The following NFKB1 variants were observed in gnomAD, a reference collection of about 807,000 sequenced individuals.
NFKB1 encodes the protein nuclear factor NF-kappa-B p105 subunit.
In NFKB1, 9 loss-of-function variants were observed where a neutral mutation model predicts 105.1. The observed-to-expected ratio is 0.09, with a 90% CI of 0.05 to 0.15. The LOEUF is 0.15. Among genes scored for constraint, NFKB1 ranks in the 10% least tolerant of loss-of-function variants. The pLI, the probability that NFKB1 is intolerant of heterozygous loss-of-function variation, is 1.00. For synonymous variants in NFKB1, 440 were observed against 442.2 expected, an observed-to-expected ratio of 1.00 and a Z score of 0.06; for missense variants, 830 against 1,203.7, an observed-to-expected ratio of 0.69 and a Z score of 4.59.
At chr4:102,601,559 GT>G (rs1236257737) in intron 16 of NFKB1, among the ~76,000 whole-genome samples, 1 of 152,166 alleles carries the variant, frequency 6.6e-6, no homozygotes, top group African/African-American at 2.4e-5. Flanking sequence ...CCCAAATCAG[GT>G]TTTCTTAGGA....
chr4:102,502,390 G>GCGCGCACACGCACACACA (rs1311577382), intron 1 of NFKB1, among the ~76,000 whole-genome samples: 11 of 105,392 alleles, frequency 1.0e-4, no homozygotes, highest in African/African-American at 2.5e-4. Flanking sequence ...GCGCGCGCGC[G>GCGCGCACACGCACACACA]CACACACACA....
chr4:102,574,502 C>A (rs775074471), intron 6 of NFKB1, among the ~76,000 whole-genome samples: 3 of 152,034 alleles, frequency 2.0e-5, no homozygotes, highest in African/African-American at 7.2e-5. Context: ...TCTTCCTTTC[C>A]GGTACTCTGC....
chr4:102,534,818 G>GTAAC (rs1741537138), intron 4 of NFKB1, among the ~76,000 whole-genome samples: 1 of 152,090 alleles, frequency 6.6e-6, no homozygotes, highest in Non-Finnish European at 1.5e-5. Flanking sequence ...TTTGCATTTT[G>GTAAC]TAACATTTAA....
chr4:102,538,325 G>T (rs1578736273), intron 5 of NFKB1, among the ~76,000 whole-genome samples: 1 of 152,236 alleles, frequency 6.6e-6, no homozygotes, highest in South Asian at 2.1e-4. Flanking sequence ...TGAGTGTATG[G>T]ATTATATAGT....
intron 5 of NFKB1, among the ~76,000 whole-genome samples, chr4:102,558,712 G>A (rs1265047831): frequency 6.6e-6 from 1 of 152,034 alleles, no homozygotes; most frequent in Non-Finnish European, 1.5e-5. Context: ...GTGCAGTGGT[G>A]CGATCATAGC....
At chr4:102,568,506 T>C (rs557962041) in intron 6 of NFKB1, among the ~76,000 whole-genome samples, 17 of 152,190 alleles carry the variant, frequency 1.1e-4, no homozygotes, top group Non-Finnish European at 2.2e-4. Flanking sequence ...TTTAGACTGA[T>C]TGATCACTTA....
intron 5 of NFKB1, among the ~76,000 whole-genome samples, chr4:102,539,271 CTT>C (rs796756380): frequency 2.4e-3 from 349 of 148,210 alleles, no homozygotes; most frequent in African/African-American, 8.2e-3. Flanking sequence ...AGAAATCAGT[CTT>C]TGGTTTTGCC....
At chr4:102,532,765 T>G (rs1741382954) in intron 3 of NFKB1, among the ~76,000 whole-genome samples, 2 of 152,206 alleles carry the variant, frequency 1.3e-5, no homozygotes, top group Admixed American at 1.3e-4. Flanking sequence ...AAAATGAAGA[T>G]TAAAATGGAC....
intron 8 of NFKB1, among the ~76,000 whole-genome samples, chr4:102,579,646 A>AATATATATATATATATATGTAT (rs1249119045): frequency 7.2e-5 from 9 of 124,158 alleles, no homozygotes; most frequent in Admixed American, 7.2e-4. Context: ...CAAAAAAAAA[A>AATATATATATATATATATGTAT]ATATATATAT....
chr4:102,564,261 A>G (rs1016753746), intron 5 of NFKB1, among the ~76,000 whole-genome samples: 5 of 152,226 alleles, frequency 3.3e-5, no homozygotes, highest in African/African-American at 1.2e-4. Flanking sequence ...AAAAAGAACT[A>G]AGTTCTCCGT....
chr4:102,533,452 A>G (rs1741432682), intron 3 of NFKB1, among the ~76,000 whole-genome samples: 2 of 152,222 alleles, frequency 1.3e-5, no homozygotes, highest in Non-Finnish European at 2.9e-5. Context: ...TGAAGGCCAA[A>G]GAAAATGTCA....
chr4:102,557,547 A>C lies in NFKB1; in HGVS notation c.259-9440A>C, dbSNP rs765821574. Among the ~76,000 whole-genome samples, 123 of 152,162 alleles carry C rather than the reference A, an allele frequency of 8.1e-4. 1 individual carries two copies. Among genetic ancestry groups the C allele is most frequent in the Middle Eastern group, 3.2e-3 (1 of 316 alleles). ...TCCTGTGGGGTAGTTGTTCCTATCC[A>C]TCACCACAGTGAATATCAAAGAAGG... On this transcript the variant is annotated intron_variant, in intron 5 of 23. Coordinates refer to ENST00000226574, the MANE Select transcript of NFKB1 (RefSeq NM_003998.4).
Position 102,535,904 on chromosome 4 carries a change from T to C in NFKB1, c.160-1954T>C, listed in dbSNP as rs577155541. Among the ~76,000 whole-genome samples, 493 of 151,734 alleles carry C rather than the reference T, an allele frequency of 3.2e-3. 3 individuals are homozygous for C. The highest frequency in any genetic ancestry group is 0.011 in the African/African-American group (472 of 41,464). ...GGTTTTGGGGTTTTTTTTGTTTTTT[T>C]TTTTTAAGTTAGAAAAAGATTCTTT... is the stretch of plus-strand genomic sequence containing the variant. On this transcript the variant is annotated intron_variant, in intron 4 of 23. Transcript: ENST00000226574.
intron 1 of NFKB1, among the ~76,000 whole-genome samples, chr4:102,513,099 G>A (rs1228654698): frequency 6.6e-6 from 1 of 152,172 alleles, no homozygotes; most frequent in Non-Finnish European, 1.5e-5. Context: ...GTGATACTAT[G>A]TTTTTAGGGA....
At chr4:102,570,388 T>A (rs906003060) in intron 6 of NFKB1, among the ~76,000 whole-genome samples, 1 of 152,174 alleles carries the variant, frequency 6.6e-6, no homozygotes, top group Non-Finnish European at 1.5e-5. Flanking sequence ...AAACATATGA[T>A]CTTATTCTTT....
At chr4:102,557,395 G>A (rs1363577839) in intron 5 of NFKB1, among the ~76,000 whole-genome samples, 1 of 152,158 alleles carries the variant, frequency 6.6e-6, no homozygotes, top group Non-Finnish European at 1.5e-5. Flanking sequence ...AGATGGTCAT[G>A]GGAGCCCAGA....
intron 23 of NFKB1, among the ~76,000 whole-genome samples, chr4:102,614,113 C>T (rs904002842): frequency 3.9e-5 from 6 of 152,094 alleles, no homozygotes; most frequent in East Asian, 1.9e-4. Context: ...CCCCAACACT[C>T]CTTCCCTCCC....
chr4:102,531,193 C>T (rs968793955), intron 3 of NFKB1, among the ~76,000 whole-genome samples: 3 of 152,076 alleles, frequency 2.0e-5, no homozygotes, highest in African/African-American at 4.8e-5. Flanking sequence ...TTTATTCCTT[C>T]GGATTTATGG....
intron 17 of NFKB1, 21 bp downstream of exon 17, chr4:102,606,718 A>G: frequency 1.2e-6 from 2 of 1,605,046 alleles, no homozygotes; most frequent in South Asian, 1.1e-5. Flanking sequence ...ATCACACATC[A>G]TTGGTGTAAC....
Sources: allele counts gnomAD v4.1 joint callset (sites outside exome capture counted in the v4.1 genomes callset), GRCh38; gene constraint gnomAD v4.1.1; transcripts MANE v1.5; gene names NCBI Gene and HGNC (gene_info 2026-07-23, HGNC 2026-07-21).